CCDC30: variants seen among roughly 807,000 people sequenced by gnomAD.
CCDC30 encodes the protein coiled-coil domain containing 30.
A neutral mutation model predicts 100.2 loss-of-function variants in CCDC30; 70 were observed. That is an observed-to-expected ratio of 0.70 (90% confidence interval 0.58 to 0.85). The LOEUF is 0.85. Among genes scored for constraint, CCDC30 ranks in the 40% least tolerant of loss-of-function variants. CCDC30 has a pLI of 0.00. For synonymous variants in CCDC30, 233 were observed against 269.5 expected (o/e 0.86, Z 1.33); for missense variants, 652 against 771.2 (o/e 0.85, Z 1.83).
At chr1:42,514,078 A>T (rs1644519113) in intron 6 of CCDC30, among the ~76,000 whole-genome samples, 1 of 152,184 alleles carries the variant, frequency 6.6e-6, no homozygotes, top group Admixed American at 6.5e-5. Flanking sequence ...ACATTTCAAC[A>T]TGAGATTTGG....
intron 6 of CCDC30, among the ~76,000 whole-genome samples, chr1:42,549,474 C>A (rs540599181): frequency 6.7e-6 from 1 of 148,282 alleles, no homozygotes; most frequent in East Asian, 2.0e-4. Flanking sequence ...TCACAAATAT[C>A]GCAAGGGCAA....
chr1:42,456,808 G>C, the CCDC30 span: 1 of 1,613,396 alleles, frequency 6.2e-7, no homozygotes, highest in Non-Finnish European at 8.5e-7. Flanking sequence ...ACGGGGTCCT[G>C]TTCTTGTATC....
rs574978885 is a variant in CCDC30 at position 42,549,745 on chromosome 1, T to C, written c.457-16551T>C. On this transcript the variant is annotated intron_variant, in intron 6 of 16. Transcript: ENST00000668663. ...CCTACTGTGTACAATGGGTATACAA[T>C]TGCACTATCTTGCAACTGAATCCGA... is the stretch of plus-strand genomic sequence containing the variant. Among the ~76,000 whole-genome samples the C allele has an allele frequency of 9.2e-5, 14 of 152,296 alleles. 1 individual carries two copies. The highest frequency in any genetic ancestry group is 3.4e-4 in the African/African-American group (14 of 41,564).
intron 6 of CCDC30, among the ~76,000 whole-genome samples, chr1:42,564,770 C>T (rs1299628405): frequency 6.6e-6 from 1 of 152,056 alleles, no homozygotes; most frequent in Non-Finnish European, 1.5e-5. Context: ...TGTACATATC[C>T]AGAATTTATC....
chr1:42,604,341 A>G (rs1038696546), intron 10 of CCDC30, among the ~76,000 whole-genome samples: 2 of 152,240 alleles, frequency 1.3e-5, no homozygotes, highest in East Asian at 3.8e-4. Context: ...TGTTGATTCC[A>G]GAATCTAAAG....
chr1:42,589,897 T>C (rs1646150476), intron 10 of CCDC30: 2 of 157,094 alleles, frequency 1.3e-5, no homozygotes, highest in African/African-American at 2.4e-5. Flanking sequence ...CTGTTTCTTC[T>C]TTCTATACTC....
intron 6 of CCDC30, among the ~76,000 whole-genome samples, chr1:42,525,079 T>C (rs1242745606): frequency 2.6e-5 from 4 of 152,206 alleles, no homozygotes; most frequent in Non-Finnish European, 5.9e-5. Flanking sequence ...CTTTTTTCTC[T>C]GGCATTTATG....
intron 15 of CCDC30, 24 bp from the exon 20 acceptor site, chr1:42,653,352 C>T (rs1428454576): frequency 1.4e-6 from 2 of 1,476,470 alleles, no homozygotes; most frequent in Non-Finnish European, 9.4e-7. Flanking sequence ...TAACTTTTCA[C>T]ATTCATCCTT....
chr1:42,457,253 C>A, the CCDC30 span: 5 of 1,614,096 alleles, frequency 3.1e-6, no homozygotes, highest in Non-Finnish European at 4.2e-6. Context: ...GCAGGCCCTT[C>A]TGCGATGTTT....
At chr1:42,499,993 C>A (rs1644284671) in intron 6 of CCDC30, among the ~76,000 whole-genome samples, 1 of 152,168 alleles carries the variant, frequency 6.6e-6, no homozygotes, top group African/African-American at 2.4e-5. Context: ...AACCAACATG[C>A]AAGTTCTTTC....
chr1:42,587,463 T>C (rs1022552965), intron 9 of CCDC30, among the ~76,000 whole-genome samples: 2 of 152,196 alleles, frequency 1.3e-5, no homozygotes, highest in African/African-American at 4.8e-5. Flanking sequence ...ATAGCAGGTA[T>C]ACAGTGAATT....
At chr1:42,507,473 T>G (rs1432659924) in intron 6 of CCDC30, among the ~76,000 whole-genome samples, 2 of 152,246 alleles carry the variant, frequency 1.3e-5, no homozygotes, top group Non-Finnish European at 2.9e-5. Context: ...TTCCATAACT[T>G]GCTTAAACCT....
intron 10 of CCDC30, chr1:42,591,086 T>G (rs1646177380): frequency 6.6e-6 from 1 of 152,176 alleles, no homozygotes; most frequent in Non-Finnish European, 1.5e-5. Flanking sequence ...AGTTGGAACT[T>G]ATATTCAAAA....
chr1:42,629,485 A>G (rs1295398345), intron 11 of CCDC30, among the ~76,000 whole-genome samples: 2 of 152,096 alleles, frequency 1.3e-5, no homozygotes, highest in Non-Finnish European at 2.9e-5. Flanking sequence ...TTTGATTATT[A>G]AATGTCTTGA....
intron 11 of CCDC30, among the ~76,000 whole-genome samples, chr1:42,631,862 C>T (rs113056733): frequency 9.2e-5 from 14 of 152,252 alleles, no homozygotes; most frequent in African/African-American, 3.4e-4. Context: ...GCTTGGTACT[C>T]ACCCTCAGGA....
chr1:42,553,610 C>T (rs1645302064), intron 6 of CCDC30, among the ~76,000 whole-genome samples: 1 of 150,674 alleles, frequency 6.6e-6, no homozygotes, highest in African/African-American at 2.4e-5. Context: ...GAGCTATGAT[C>T]GCCCCACTGC....
intron 7 of CCDC30, 57 bp downstream of exon 11, chr1:42,566,532 C>A: frequency 7.1e-7 from 1 of 1,400,498 alleles, no homozygotes; most frequent in Non-Finnish European, 1.0e-6. Context: ...TGGGAATAAA[C>A]GAATCTAAGT....
intron 7 of CCDC30, among the ~76,000 whole-genome samples, chr1:42,575,459 C>T (rs900763915): frequency 2.6e-5 from 4 of 151,810 alleles, no homozygotes; most frequent in African/African-American, 9.7e-5. Context: ...ACCATTCTGG[C>T]TAACTTGGTG....
At chr1:42,628,056 G>A (rs1439126380) in intron 11 of CCDC30, among the ~76,000 whole-genome samples, 1 of 152,176 alleles carries the variant, frequency 6.6e-6, no homozygotes, top group African/African-American at 2.4e-5. Flanking sequence ...AAACAGCCAG[G>A]AGGGAGGCTA....
Sources: gnomAD v4.1 joint callset for allele counts (sites outside exome capture counted in the v4.1 genomes callset) on GRCh38, gnomAD v4.1.1 for gene constraint, MANE v1.5 for transcripts, NCBI Gene and HGNC (gene_info 2026-07-23, HGNC 2026-07-21) for gene names.